CCBE1: variants seen among roughly 807,000 people sequenced by gnomAD.
The protein encoded by CCBE1 is collagen and calcium binding EGF domains 1.
CCBE1 carries 37 observed loss-of-function variants against 50.0 expected under a neutral mutation model. That is an observed-to-expected ratio of 0.74 (90% CI 0.57 to 0.97). The LOEUF (loss-of-function observed/expected upper bound fraction) is 0.97. CCBE1 is among the 50% of genes least tolerant of loss of function. The pLI, the probability that CCBE1 is intolerant of heterozygous loss-of-function variation, is 0.00. For synonymous variants in CCBE1, 234 were observed against 203.7 expected (o/e 1.15, Z -1.27); for missense variants, 538 against 523.8 (o/e 1.03, Z -0.26).
At chr18:59,460,892 G>T (rs12962866) in intron 5 of CCBE1, among the ~76,000 whole-genome samples, 19,092 of 151,188 alleles carry the variant, frequency 0.13, 1,483 homozygotes, top group Middle Eastern at 0.29. Flanking sequence ...CGGATATCGC[G>T]CCACTGCACT....
intron 2 of CCBE1, among the ~76,000 whole-genome samples, chr18:59,623,308 C>T (rs1412592605): frequency 6.6e-6 from 1 of 152,218 alleles, no homozygotes; most frequent in African/African-American, 2.4e-5. Flanking sequence ...TTGGGTCCTT[C>T]AGAAACATTT....
chr18:59,669,525 C>T (rs750919420), intron 2 of CCBE1, among the ~76,000 whole-genome samples: 8 of 152,242 alleles, frequency 5.3e-5, no homozygotes, highest in East Asian at 1.9e-4. Context: ...AGAGTCACTA[C>T]TGGGGAACAC....
chr18:59,622,683 C>T (rs1485038711), intron 2 of CCBE1, among the ~76,000 whole-genome samples: 2 of 147,454 alleles, frequency 1.4e-5, no homozygotes, highest in South Asian at 2.2e-4. Flanking sequence ...CGCCTATAAT[C>T]CCAGCTACTT....
chr18:59,672,735 G>A (rs2144712854), intron 2 of CCBE1, among the ~76,000 whole-genome samples: 1 of 152,304 alleles, frequency 6.6e-6, no homozygotes, highest in South Asian at 2.1e-4. Flanking sequence ...AGGCTACTAA[G>A]TGTTGCGGTG....
At chr18:59,579,407 A>C (rs1024510744) in intron 2 of CCBE1, among the ~76,000 whole-genome samples, 11 of 152,026 alleles carry the variant, frequency 7.2e-5, no homozygotes, top group Non-Finnish European at 1.3e-4. Context: ...TTTAAAAAAA[A>C]AAAAAAAGAT....
At chr18:59,658,532 C>T (rs2054236563) in intron 2 of CCBE1, among the ~76,000 whole-genome samples, 1 of 145,370 alleles carries the variant, frequency 6.9e-6, no homozygotes, top group South Asian at 2.2e-4. Context: ...TGTGCCACTG[C>T]ACTACAACCT....
chr18:59,632,898 C>T (rs1039130083), intron 2 of CCBE1, among the ~76,000 whole-genome samples: 8 of 152,122 alleles, frequency 5.3e-5, no homozygotes, highest in African/African-American at 1.2e-4. Flanking sequence ...TGTGAGCCAC[C>T]GCGCCTGGCG....
At chr18:59,586,690 C>G (rs2053182672) in intron 2 of CCBE1, among the ~76,000 whole-genome samples, 2 of 152,160 alleles carry the variant, frequency 1.3e-5, no homozygotes, top group Non-Finnish European at 2.9e-5. Flanking sequence ...CATGACAAAG[C>G]CCAAAATTTT....
chr18:59,466,450 C>T (rs1031911857), intron 5 of CCBE1, among the ~76,000 whole-genome samples: 2 of 151,926 alleles, frequency 1.3e-5, no homozygotes, highest in Admixed American at 1.3e-4. Flanking sequence ...TTTTAAACCT[C>T]TTTTTCTTTA....
At chr18:59,572,635 T>C (rs574933897) in intron 2 of CCBE1, among the ~76,000 whole-genome samples, 5 of 152,338 alleles carry the variant, frequency 3.3e-5, no homozygotes, top group Non-Finnish European at 7.4e-5. Context: ...TTTCTATTGG[T>C]TGGTTAGCCT....
intron 5 of CCBE1, chr18:59,455,304 C>T: frequency 5.3e-6 from 2 of 379,110 alleles, no homozygotes; most frequent in Non-Finnish European, 1.0e-5. Flanking sequence ...TTATACTCCC[C>T]TTAAAGGGCT....
At chr18:59,682,509 C>T (rs190655640) in intron 2 of CCBE1, among the ~76,000 whole-genome samples, 3 of 152,102 alleles carry the variant, frequency 2.0e-5, no homozygotes, top group African/African-American at 7.3e-5. Context: ...AGACCCCCCC[C>T]TTTAGCATCT....
intron 2 of CCBE1, among the ~76,000 whole-genome samples, chr18:59,666,951 C>A (rs150410333): frequency 3.3e-5 from 5 of 152,046 alleles, no homozygotes; most frequent in Admixed American, 2.6e-4. Flanking sequence ...GGCAACAGAG[C>A]AAGACTCTGT....
chr18:59,565,916 C>A lies in CCBE1; in HGVS notation c.213-85678G>T, dbSNP rs376670135. Among the ~76,000 whole-genome samples the A allele has an allele frequency of 6.6e-5, 10 of 152,122 alleles. No homozygotes were observed. In the East Asian group the frequency reaches 1.2e-3, roughly 18 times the overall value. The stretch of plus-strand genomic sequence containing the variant: ...TCAGGTGCATCTTCTCAGGCTGTTA[C>A]GTCAGGGCTCCTGAACTCCCCCATC... On this transcript the variant is annotated intron_variant, in intron 2 of 10. Transcript: ENST00000439986.
At chr18:59,693,003 C>CAAAAAA (rs1555710565) in intron 2 of CCBE1, among the ~76,000 whole-genome samples, 3 of 145,970 alleles carry the variant, frequency 2.1e-5, no homozygotes, top group African/African-American at 7.8e-5. Flanking sequence ...CACACACACA[C>CAAAAAA]AAACAAAAAA....
At chr18:59,593,079 G>C (rs1159127474) in intron 2 of CCBE1, among the ~76,000 whole-genome samples, 1 of 152,190 alleles carries the variant, frequency 6.6e-6, no homozygotes, top group Non-Finnish European at 1.5e-5. Flanking sequence ...AAGGGTTTGT[G>C]CTTTAGGACA....
At chr18:59,620,746 CCTT>C (rs986592659) in intron 2 of CCBE1, among the ~76,000 whole-genome samples, 14 of 152,180 alleles carry the variant, frequency 9.2e-5, no homozygotes, top group Admixed American at 2.0e-4. Flanking sequence ...CTTTGCTCTT[CCTT>C]CTTCTTCTGT....
chr18:59,479,800 G>A (rs1342660787), intron 3 of CCBE1, among the ~76,000 whole-genome samples: 1 of 152,212 alleles, frequency 6.6e-6, no homozygotes, highest in Non-Finnish European at 1.5e-5. Flanking sequence ...TTTGCTGATG[G>A]TCATGTAAAG....
At chr18:59,474,485 C>A (rs1280357515) in intron 3 of CCBE1, among the ~76,000 whole-genome samples, 1 of 152,178 alleles carries the variant, frequency 6.6e-6, no homozygotes, top group Non-Finnish European at 1.5e-5. Context: ...TTTCCAAATC[C>A]TTGCCTGAGA....
Sources: allele counts gnomAD v4.1 joint callset (sites outside exome capture counted in the v4.1 genomes callset), GRCh38; gene constraint gnomAD v4.1.1; transcripts MANE v1.5; gene names NCBI Gene and HGNC (gene_info 2026-07-23, HGNC 2026-07-21).